Variants in PLOD1 observed in about 807,000 individuals in gnomAD.
The protein encoded by PLOD1 is procollagen-lysine,2-oxoglutarate 5-dioxygenase 1.
A neutral mutation model predicts 94.7 loss-of-function variants in PLOD1; 70 were observed. That is an observed-to-expected ratio of 0.74 (90% CI 0.61 to 0.90). The LOEUF is 0.90. Ranked by LOEUF, PLOD1 falls within the 40% of genes least tolerant of loss-of-function variation. PLOD1 has a pLI of 0.00. For synonymous variants in PLOD1, 417 were observed against 400.2 expected (o/e 1.04, Z -0.50); for missense variants, 905 against 972.7 (o/e 0.93, Z 0.93).
intron 16 of PLOD1, among the ~76,000 whole-genome samples, chr1:11,967,597 G>GTGTATA (rs1391982281): frequency 3.3e-5 from 2 of 59,786 alleles, no homozygotes; most frequent in Non-Finnish European, 6.6e-5. Context: ...GTGTGTGTGT[G>GTGTATA]TATATATATA....
intron 6 of PLOD1, among the ~76,000 whole-genome samples, chr1:11,955,910 G>A (rs1233039982): frequency 1.3e-5 from 2 of 152,092 alleles, no homozygotes; most frequent in Non-Finnish European, 2.9e-5. Context: ...ACAGACGTGA[G>A]CCATCGTGCC....
chr1:11,956,953 G>A lies in PLOD1; in HGVS notation c.680G>A (p.Arg227Lys). 6.2e-7 allele frequency: 1 copy of A among 1,613,888 alleles called. No homozygotes were observed. Among genetic ancestry groups the A allele is most frequent in the Non-Finnish European group, 8.5e-7 (1 of 1,179,842 alleles). The change falls in exon 7 of 19, where the codon AGA becomes AAA. Residue 227 changes from arginine to lysine, a missense_variant. Arg to Lys is a conservative substitution (Grantham distance 26). Coordinates refer to ENST00000196061, the MANE Select transcript of PLOD1 (RefSeq NM_000302.4). ...CTCAAGTTTGAAATGGGCCATGTGA[G>A]AGCGAGGAACCTGGCCTATGACACC... ...VVLKFEMGHVRARNLAYDTLP... is the reference protein window; with the variant it reads ...VVLKFEMGHVKARNLAYDTLP...
chr1:11,944,751 G>A, intron 1 of PLOD1: 1 of 1,032,660 alleles, frequency 9.7e-7, no homozygotes, highest in Non-Finnish European at 1.3e-6. Context: ...ATCCCTGCTG[G>A]GCCGCCTGGC....
chr1:11,967,864 C>G (rs1645832941), intron 16 of PLOD1, among the ~76,000 whole-genome samples: 1 of 151,072 alleles, frequency 6.6e-6, no homozygotes, highest in South Asian at 2.1e-4. Flanking sequence ...ATTCTCATGC[C>G]TCAGCTTGCC....
intron 9 of PLOD1, among the ~76,000 whole-genome samples, chr1:11,959,310 T>A (rs902490525): frequency 2.0e-5 from 3 of 152,106 alleles, no homozygotes; most frequent in Non-Finnish European, 4.4e-5. Flanking sequence ...ACATGCGAAG[T>A]TCGTAAAAGG....
chr1:11,961,680 G>C (rs2100755071), intron 10 of PLOD1, among the ~76,000 whole-genome samples: 1 of 152,282 alleles, frequency 6.6e-6, no homozygotes, highest in African/African-American at 2.4e-5. Context: ...CAGGATCATA[G>C]CTTACTGTAG....
At chr1:11,971,776 C>G (rs895368409) in intron 17 of PLOD1, 2 of 152,242 alleles carry the variant, frequency 1.3e-5, no homozygotes, top group Non-Finnish European at 2.9e-5. Flanking sequence ...GCCAGCGTGC[C>G]CACTCCCTCC....
In PLOD1 at chr1:11,952,378, C is replaced by T. The variant is rs114927523; in HGVS notation, c.467-245C>T. ...TGGTGCCCAGCACTGAACAGTACAG[C>T]TTAGTGGGCACCATTGGTCTTATTC... On this transcript the variant is annotated intron_variant, in intron 4 of 18. Transcript: ENST00000196061. Among the ~76,000 whole-genome samples the T allele has an allele frequency of 2.5e-3, 384 of 152,356 alleles. 3 individuals are homozygous for T. The highest frequency in any genetic ancestry group is 9.1e-3 in the African/African-American group (380 of 41,572).
chr1:11,963,529 CA>C lies in PLOD1; in HGVS notation c.1098-2del. 1 of 1,587,944 alleles carries C rather than the reference CA, an allele frequency of 6.3e-7. No individual in the cohort carries two copies. The highest frequency in any genetic ancestry group is 8.6e-7 in the Non-Finnish European group (1 of 1,166,024). On this transcript the variant is annotated splice_acceptor_variant, in intron 10 of 18. Transcript: ENST00000196061. LOFTEE classifies it high-confidence loss of function. This position sits in a 1 kb window ranked among gnomAD's most constrained non-coding sequence, Gnocchi z 4.3. ...CACTGACCCTGTGTCCTCCTCCTTG[CA>C]GAGACCTGTGCCGGCAGGACCGCAG...
chr1:11,950,950 T>A (rs956156076), intron 4 of PLOD1, among the ~76,000 whole-genome samples: 1 of 152,114 alleles, frequency 6.6e-6, no homozygotes, highest in African/African-American at 2.4e-5. Flanking sequence ...TGCACCACTA[T>A]GCCCGGCTAA....
In PLOD1 at chr1:11,950,310, C is replaced by T. The variant is rs893323466; in HGVS notation, c.303-47C>T. 3 of 1,596,906 alleles carry T rather than the reference C, an allele frequency of 1.9e-6. No individual in the cohort carries two copies. The Admixed American group carries it at 5.0e-5, about 27-fold the overall frequency. ...CTCCTGTCTGTGCCCTCACTGGGCC[C>T]CTGCTCACCCTTGCCCTGCTCCGTC... is the stretch of plus-strand genomic sequence containing the variant. On this transcript the variant is annotated intron_variant, in intron 3 of 18. Coordinates refer to ENST00000196061, the MANE Select transcript of PLOD1 (RefSeq NM_000302.4).
At chr1:11,960,242 A>G (rs1645768582) in intron 9 of PLOD1, among the ~76,000 whole-genome samples, 1 of 152,150 alleles carries the variant, frequency 6.6e-6, no homozygotes, top group Non-Finnish European at 1.5e-5. Flanking sequence ...AGTGCTGCGA[A>G]TACAGGCGTG....
chr1:11,964,225 T>C lies in PLOD1; in HGVS notation c.1253T>C (p.Phe418Ser). ...MTRHGRLWSNFWGALSADGYY... is the reference protein window; with the variant it reads ...MTRHGRLWSNSWGALSADGYY... The stretch of plus-strand genomic sequence containing the variant: ...CGGCATGGGAGGCTGTGGTCGAACT[T>C]CTGGGGGGCTCTCAGTGCAGATGGC... Residue 418 changes from phenylalanine to serine, a missense_variant, in exon 12 of 19, where the codon TTC becomes TCC. By Grantham distance (155) the Phe-to-Ser change is radical. Coordinates refer to ENST00000196061, the MANE Select transcript of PLOD1 (RefSeq NM_000302.4). 6.2e-7 allele frequency: 1 copy of C among 1,603,430 alleles called. No homozygotes were observed. Among genetic ancestry groups the C allele is most frequent in the East Asian group, 2.3e-5 (1 of 44,138 alleles).
chr1:11,941,283 C>G (rs560405575), intron 1 of PLOD1, among the ~76,000 whole-genome samples: 1 of 151,558 alleles, frequency 6.6e-6, no homozygotes, highest in African/African-American at 2.4e-5. Flanking sequence ...TGCTCTGTCA[C>G]CCAGGCTAGA....
chr1:11,954,912 G>A lies in PLOD1; in HGVS notation c.643+19G>A, dbSNP rs1011994398. On this transcript the variant is annotated intron_variant, in intron 6 of 18. Transcript: ENST00000196061. Reference sequence around the variant, plus strand: ...GCCTTGGGTGAGCAGCCCCCACGGGGAGGGGTGGATCCTCAGAGGGGTGAT... The same window carrying A: ...GCCTTGGGTGAGCAGCCCCCACGGGAAGGGGTGGATCCTCAGAGGGGTGAT... 6 of 1,593,486 alleles carry A rather than the reference G, an allele frequency of 3.8e-6. No homozygotes were observed. The highest frequency in any genetic ancestry group is 5.2e-6 in the Non-Finnish European group (6 of 1,161,438).
intron 1 of PLOD1, chr1:11,944,768 C>A: frequency 1.2e-6 from 1 of 861,176 alleles, no homozygotes; most frequent in Non-Finnish European, 1.6e-6. Context: ...TGGCGCCAGC[C>A]CTCTGCCCTG....
intron 1 of PLOD1, among the ~76,000 whole-genome samples, chr1:11,946,231 G>A (rs1416956139): frequency 1.3e-5 from 2 of 152,140 alleles, no homozygotes; most frequent in Admixed American, 6.5e-5. Context: ...CAGACTCCTC[G>A]CTTCTCAGAG....
intron 1 of PLOD1, among the ~76,000 whole-genome samples, chr1:11,939,763 A>G (rs959188625): frequency 2.0e-5 from 3 of 151,930 alleles, no homozygotes; most frequent in Non-Finnish European, 4.4e-5. Context: ...GCCCACCATC[A>G]TGCCCAGCTA....
chr1:11,954,917 G>A lies in PLOD1; in HGVS notation c.643+24G>A, dbSNP rs201874186. 17 of 1,581,014 alleles carry A rather than the reference G, an allele frequency of 1.1e-5. No individual in the cohort carries two copies. In the South Asian group the frequency reaches 1.7e-4, roughly 15 times the overall value. On this transcript the variant is annotated intron_variant, in intron 6 of 18. Transcript: ENST00000196061. ...GGGTGAGCAGCCCCCACGGGGAGGG[G>A]TGGATCCTCAGAGGGGTGATAGGAA...
Sources: gnomAD v4.1 joint callset for allele counts (sites outside exome capture counted in the v4.1 genomes callset) on GRCh38, gnomAD v4.1.1 for gene constraint, Gnocchi (gnomAD v3.1) non-coding constraint, MANE v1.5 for transcripts, NCBI Gene and HGNC (gene_info 2026-07-23, HGNC 2026-07-21) for gene names.